Variants in CPA6 observed in about 807,000 individuals in gnomAD.
The protein encoded by CPA6 is carboxypeptidase A6.
CPA6 carries 58 observed loss-of-function variants against 63.3 expected under a neutral mutation model. The observed-to-expected ratio is 0.92, with a 90% confidence interval of 0.74 to 1.14. The LOEUF is 1.14. CPA6 is among the 50% of genes most tolerant of loss of function. The pLI, the probability that CPA6 is intolerant of heterozygous loss-of-function variation, is 0.00. For synonymous variants in CPA6, 185 were observed against 179.0 expected (o/e 1.03, Z -0.27); for missense variants, 565 against 526.6 (o/e 1.07, Z -0.71).
chr8:67,577,307 A>T (rs1467811091), intron 2 of CPA6, among the ~76,000 whole-genome samples: 4 of 152,214 alleles, frequency 2.6e-5, no homozygotes, highest in African/African-American at 9.6e-5. Context: ...CAGTCTAAAC[A>T]GATAAAACAT....
chr8:67,698,361 T>C (rs1036588076), intron 1 of CPA6, among the ~76,000 whole-genome samples: 13 of 152,220 alleles, frequency 8.5e-5, no homozygotes, highest in Non-Finnish European at 1.3e-4. Context: ...CTGGTGATTC[T>C]GGTGAAGGTG....
intron 2 of CPA6, among the ~76,000 whole-genome samples, chr8:67,568,685 C>A (rs1156443484): frequency 6.6e-6 from 1 of 152,100 alleles, no homozygotes; most frequent in African/African-American, 2.4e-5. Flanking sequence ...ATCAAGAGAC[C>A]TAACCTATGC....
At chr8:67,622,587 A>T (rs1226095602) in intron 2 of CPA6, among the ~76,000 whole-genome samples, 1 of 152,244 alleles carries the variant, frequency 6.6e-6, no homozygotes, top group Non-Finnish European at 1.5e-5. Context: ...ACAGGGAATC[A>T]ATAAACTCAA....
chr8:67,694,872 G>A (rs754170925), intron 1 of CPA6, among the ~76,000 whole-genome samples: 12 of 152,086 alleles, frequency 7.9e-5, no homozygotes, highest in East Asian at 1.9e-4. Context: ...GGAGAGAAAT[G>A]TCCAGATGTC....
chr8:67,576,325 T>C (rs1813624938), intron 2 of CPA6, among the ~76,000 whole-genome samples: 1 of 152,182 alleles, frequency 6.6e-6, no homozygotes, highest in Admixed American at 6.5e-5. Context: ...TCTATATGTA[T>C]ATAATTAAAA....
At chr8:67,548,647 T>C (rs1436469482) in intron 2 of CPA6, among the ~76,000 whole-genome samples, 2 of 151,830 alleles carry the variant, frequency 1.3e-5, no homozygotes, top group Non-Finnish European at 2.9e-5. Flanking sequence ...AGAATATGAG[T>C]TTTTAATGTA....
chr8:67,422,784 G>A, intron 10 of CPA6, 93 bp from the exon 11 acceptor site: 2 of 919,112 alleles, frequency 2.2e-6, no homozygotes, highest in Non-Finnish European at 3.2e-6. Context: ...CGCTTATTAA[G>A]CTTTACTAAA....
chr8:67,491,180 A>T (rs1224212709), intron 6 of CPA6, among the ~76,000 whole-genome samples: 7 of 151,584 alleles, frequency 4.6e-5, no homozygotes, highest in Non-Finnish European at 8.8e-5. Context: ...TTTAAATTCA[A>T]TACCAGAAGA....
At chr8:67,551,864 T>C (rs967703482) in intron 2 of CPA6, among the ~76,000 whole-genome samples, 1 of 152,182 alleles carries the variant, frequency 6.6e-6, no homozygotes, top group Admixed American at 6.5e-5. Context: ...TTTTTATGTA[T>C]GATATGAGGA....
chr8:67,425,021 G>A (rs1363423390), intron 10 of CPA6, among the ~76,000 whole-genome samples: 2 of 152,022 alleles, frequency 1.3e-5, no homozygotes, highest in African/African-American at 2.4e-5. Context: ...CTCCCTTTTT[G>A]AAAAAGAGAC....
At chr8:67,709,496 T>G (rs1817207366) in intron 1 of CPA6, among the ~76,000 whole-genome samples, 1 of 152,218 alleles carries the variant, frequency 6.6e-6, no homozygotes, top group Admixed American at 6.5e-5. Flanking sequence ...CTAACAATGA[T>G]AAATAAAGGA....
chr8:67,534,108 C>T (rs995960150), intron 2 of CPA6, among the ~76,000 whole-genome samples: 12 of 152,222 alleles, frequency 7.9e-5, no homozygotes, highest in African/African-American at 2.7e-4. Context: ...CCCAATGTTC[C>T]CCTTGGAATG....
intron 1 of CPA6, among the ~76,000 whole-genome samples, chr8:67,727,621 A>T (rs183681154): frequency 6.6e-6 from 1 of 152,322 alleles, no homozygotes; most frequent in Admixed American, 6.5e-5. Context: ...TCATGCCCAG[A>T]CAGACTTTTC....
At chr8:67,714,308 A>T (rs1420737298) in intron 1 of CPA6, among the ~76,000 whole-genome samples, 1 of 152,200 alleles carries the variant, frequency 6.6e-6, no homozygotes, top group Non-Finnish European at 1.5e-5. Context: ...ATTTGCCCCA[A>T]CTGAGGAGAA....
At chr8:67,540,594 A>G (rs1288682601) in intron 2 of CPA6, among the ~76,000 whole-genome samples, 3 of 152,232 alleles carry the variant, frequency 2.0e-5, no homozygotes. Flanking sequence ...AGTCTCCTCA[A>G]GCTGTGCCAG....
intron 1 of CPA6, among the ~76,000 whole-genome samples, chr8:67,689,542 T>C (rs1816775396): frequency 6.6e-6 from 1 of 152,224 alleles, no homozygotes; most frequent in Admixed American, 6.5e-5. Flanking sequence ...TTTCTGTTCT[T>C]GCATTAATTT....
At chr8:67,631,571 C>T (rs1456192999) in intron 1 of CPA6, among the ~76,000 whole-genome samples, 1 of 151,882 alleles carries the variant, frequency 6.6e-6, no homozygotes, top group Non-Finnish European at 1.5e-5. Flanking sequence ...CCAATCAGCT[C>T]TCTGTAAAAT....
In CPA6 at chr8:67,423,091, C is replaced by CT. The variant is rs897814241; in HGVS notation, c.1127-401dup. 9.7e-3 allele frequency among the ~76,000 whole-genome samples: 1,435 copies of CT among 148,024 alleles called. 29 individuals are homozygous for CT. The highest frequency in any genetic ancestry group is 0.032 in the African/African-American group (1,300 of 40,676). The stretch of plus-strand genomic sequence containing the variant: ...ATTGAAATTGTGTTCCCAGAAATGT[C>CT]TTTTTTTTTTTGAGACGGAGTCTCA... On this transcript the variant is annotated intron_variant, in intron 10 of 10. Transcript: ENST00000297770.
At chr8:67,634,177 TTAATTATTA>T (rs1293525594) in intron 1 of CPA6, among the ~76,000 whole-genome samples, 11 of 108,310 alleles carry the variant, frequency 1.0e-4, no homozygotes, top group Non-Finnish European at 1.8e-4. Context: ...GTCACTGGAT[TTAATTATTA>T]TTATTATTAT....
Sources: allele counts gnomAD v4.1 joint callset (sites outside exome capture counted in the v4.1 genomes callset), GRCh38; gene constraint gnomAD v4.1.1; transcripts MANE v1.5; gene names NCBI Gene and HGNC (gene_info 2026-07-23, HGNC 2026-07-21).